The following JADE3 variants were observed in gnomAD, a reference collection of about 807,000 sequenced individuals.
JADE3 encodes the protein jade family PHD finger 3.
JADE3 carries 2 observed loss-of-function variants against 50.1 expected under a neutral mutation model. The ratio of observed to expected loss-of-function variants is 0.04; its 90% confidence interval spans 0.02 to 0.13. The LOEUF (loss-of-function observed/expected upper bound fraction) is 0.13. JADE3 is among the 10% of genes least tolerant of loss of function. The pLI is 1.00. For missense variants in JADE3, 475 were observed against 634.4 expected (o/e 0.75, Z 2.70); for synonymous variants, 218 against 232.9 (o/e 0.94, Z 0.58).
chrX:47,034,287 C>T (rs1485303238), intron 7 of JADE3, among the ~76,000 whole-genome samples: 1 of 111,284 alleles, frequency 9.0e-6, no homozygotes, highest in Admixed American at 9.6e-5. Context: ...GAAAGATCCT[C>T]TATACCCACT....
chrX:47,036,359 G>A (rs972799839), intron 7 of JADE3, among the ~76,000 whole-genome samples: 27 of 110,979 alleles, frequency 2.4e-4, no homozygotes, highest in African/African-American at 8.2e-4. Context: ...ATGAAAAAAT[G>A]CTCATCATCA....
chrX:47,050,650 T>C (rs1017964498), intron 8 of JADE3, among the ~76,000 whole-genome samples: 2 of 112,239 alleles, frequency 1.8e-5, no homozygotes, highest in Admixed American at 9.5e-5. Context: ...TTCTTACCTA[T>C]GCATTATCTT....
At chrX:46,961,985 T>G (rs782564789) in intron 1 of JADE3, among the ~76,000 whole-genome samples, 5 of 112,418 alleles carry the variant, frequency 4.4e-5, no homozygotes, top group African/African-American at 1.6e-4. Context: ...TTACATTGAT[T>G]ACATGTTTGT....
At chrX:46,951,015 A>G (rs1926989139) in intron 1 of JADE3, among the ~76,000 whole-genome samples, 2 of 107,521 alleles carry the variant, frequency 1.9e-5, no homozygotes, top group Non-Finnish European at 3.9e-5. Flanking sequence ...ATTCCTTTGT[A>G]TTTATTCTGT....
chrX:46,976,608 C>T (rs782261238), intron 1 of JADE3, among the ~76,000 whole-genome samples: 1 of 111,876 alleles, frequency 8.9e-6, no homozygotes, highest in Non-Finnish European at 1.9e-5. Context: ...GTGCTCTGAT[C>T]TGAGGACTAG....
intron 1 of JADE3, among the ~76,000 whole-genome samples, chrX:46,960,725 G>A (rs782134210): frequency 8.9e-6 from 1 of 111,880 alleles, no homozygotes; most frequent in South Asian, 3.8e-4. Flanking sequence ...ATTATATGCC[G>A]AATCCTGTGA....
Position 46,923,704 on chromosome X carries a change from T to A in JADE3, c.-12+10985T>A, listed in dbSNP as rs1230825051. Among the ~76,000 whole-genome samples the A allele has an allele frequency of 2.7e-5, 3 of 110,741 alleles. No individual in the cohort carries two copies. The Admixed American group carries it at 2.9e-4, about 11-fold the overall frequency. On this transcript the variant is annotated intron_variant, in intron 1 of 10. Transcript: ENST00000614628. ...TGCTGAGATTACAGGCATGAGCCAC[T>A]GTGCTCCACCAGGCACCAGAGATTT...
At chrX:46,995,346 AT>A (rs1556357149) in intron 3 of JADE3, among the ~76,000 whole-genome samples, 1 of 111,443 alleles carries the variant, frequency 9.0e-6, no homozygotes, top group East Asian at 2.8e-4. Flanking sequence ...TTTTAATTAT[AT>A]AAAGTATTTG....
chrX:47,000,092 T>A (rs1478244432), intron 4 of JADE3, among the ~76,000 whole-genome samples: 2 of 111,076 alleles, frequency 1.8e-5, no homozygotes, highest in African/African-American at 6.6e-5. Context: ...AAACCCAGGC[T>A]GTCCTACCCA....
chrX:46,992,709 T>C (rs782581189), intron 3 of JADE3, among the ~76,000 whole-genome samples: 1 of 112,195 alleles, frequency 8.9e-6, no homozygotes, highest in Admixed American at 9.5e-5. Flanking sequence ...ATGATTTTAC[T>C]GGGAATTAGT....
In JADE3 at chrX:47,059,185, G is replaced by C; in HGVS notation, c.*108G>C. 1.8e-6 allele frequency: 1 copy of C among 558,925 alleles called. No homozygotes were observed. The highest frequency in any genetic ancestry group is 3.7e-5 in the East Asian group (1 of 27,323). The allele number at this position is 558,925 out of a possible 1,213,427, so 46.1% of individuals were successfully genotyped here. A position where few individuals can be genotyped will look rare whatever the true frequency, so the allele number is the denominator to read the frequency against. On this transcript the variant is annotated 3_prime_UTR_variant, in exon 11 of 11. Coordinates refer to ENST00000614628, the MANE Select transcript of JADE3 (RefSeq NM_014735.5). Reference sequence around the variant, plus strand: ...ATGTTAAGAGGAATTGCAGTGAAAAGGATAACATTTTTCCATAGTAAATTG... The same window carrying C: ...ATGTTAAGAGGAATTGCAGTGAAAACGATAACATTTTTCCATAGTAAATTG...
In JADE3 at chrX:46,912,546, G is replaced by GGGC. The variant is rs1479085909; in HGVS notation, c.-181_-179dup. On this transcript the variant is annotated 5_prime_UTR_variant, in exon 1 of 11. Coordinates refer to ENST00000614628, the MANE Select transcript of JADE3 (RefSeq NM_014735.5). ...CCGAGGGCGGGAGCTGAGGCGCGGG[G>GGGC]GGCGGCCCCGGCGGGGGGCGGGGGC... 9 of 111,702 alleles carry GGGC rather than the reference G, an allele frequency of 8.1e-5. No individual in the cohort carries two copies. Among genetic ancestry groups the GGGC allele is most frequent in the Non-Finnish European group, 1.3e-4 (7 of 52,859 alleles). The allele number at this position is 111,702 out of a possible 1,213,427, so 9.2% of individuals were successfully genotyped here.
At chrX:47,018,224 C>T (rs1213695924) in intron 4 of JADE3, among the ~76,000 whole-genome samples, 1 of 111,454 alleles carries the variant, frequency 9.0e-6, no homozygotes, top group Non-Finnish European at 1.9e-5. Context: ...CTCCTTCTTC[C>T]CACACCTCCT....
chrX:46,925,890 C>A lies in JADE3; in HGVS notation c.-12+13171C>A, dbSNP rs956256259. ...CTTTTTTGAGAGTCAGGGTCTTACT[C>A]CATCACCCAGGCTGGAGTGCACTGG... On this transcript the variant is annotated intron_variant, in intron 1 of 10. Coordinates refer to ENST00000614628, the MANE Select transcript of JADE3 (RefSeq NM_014735.5). Among the ~76,000 whole-genome samples the A allele has an allele frequency of 1.0e-4, 11 of 107,005 alleles. No homozygotes were observed. In the East Asian group the frequency reaches 2.9e-3, roughly 28 times the overall value. The allele number at this position is 107,005 out of a possible 115,157, so 92.9% of individuals were successfully genotyped here. A position where few individuals can be genotyped will look rare whatever the true frequency, so the allele number is the denominator to read the frequency against.
In JADE3 at chrX:47,033,866, C is replaced by A. The variant is rs781805097; in HGVS notation, c.855+78C>A. ...CCCACAGCATTCAGACTGACTCAGG[C>A]TCAGTATGGAAATGCTTCATGCTTG... is the stretch of plus-strand genomic sequence containing the variant. On this transcript the variant is annotated intron_variant, in intron 7 of 10. Transcript: ENST00000614628. 28 of 861,781 alleles carry A rather than the reference C, an allele frequency of 3.2e-5. No individual in the cohort carries two copies. In the African/African-American group the frequency reaches 5.3e-4, roughly 16 times the overall value. The allele number at this position is 861,781 out of a possible 1,213,427, so 71.0% of individuals were successfully genotyped here.
At chrX:46,961,924 G>T (rs189652089) in intron 1 of JADE3, among the ~76,000 whole-genome samples, 1 of 112,255 alleles carries the variant, frequency 8.9e-6, no homozygotes, top group Non-Finnish European at 1.9e-5. Flanking sequence ...TTCTAAAACC[G>T]TTAATGCAAA....
chrX:47,002,992 G>T (rs1185133371), intron 4 of JADE3, among the ~76,000 whole-genome samples: 3 of 111,455 alleles, frequency 2.7e-5, no homozygotes, highest in Non-Finnish European at 5.7e-5. Context: ...CTAATGTGTG[G>T]TAGTTTTTTT....
At chrX:46,913,485 A>G (rs1381247854) in intron 1 of JADE3, among the ~76,000 whole-genome samples, 1 of 111,818 alleles carries the variant, frequency 8.9e-6, no homozygotes, top group Non-Finnish European at 1.9e-5. Flanking sequence ...ACCGCTGGGC[A>G]CGGCAAAGTT....
At chrX:46,987,360 C>G (rs782552561) in intron 3 of JADE3, among the ~76,000 whole-genome samples, 25 of 111,659 alleles carry the variant, frequency 2.2e-4, no homozygotes, top group Admixed American at 1.4e-3. Context: ...GAGTGGCATC[C>G]CCACCACATT....
Sources: allele counts gnomAD v4.1 joint callset (sites outside exome capture counted in the v4.1 genomes callset), GRCh38; gene constraint gnomAD v4.1.1; transcripts MANE v1.5; gene names NCBI Gene and HGNC (gene_info 2026-07-23, HGNC 2026-07-21).